The following DGKA variants were observed in gnomAD, a reference collection of about 807,000 sequenced individuals.
DGKA encodes diacylglycerol kinase alpha.
DGKA carries 35 observed loss-of-function variants against 105.0 expected under a neutral mutation model. The observed-to-expected ratio is 0.33, with a 90% confidence interval of 0.25 to 0.44. The LOEUF (loss-of-function observed/expected upper bound fraction) is 0.44, where lower values mean the gene tolerates loss of function less well. DGKA is among the 20% of genes least tolerant of loss of function. The pLI is 1.00. For synonymous variants in DGKA, 296 were observed against 332.0 expected (o/e 0.89, Z 1.18); for missense variants, 665 against 915.0 (o/e 0.73, Z 3.53).
At chr12:55,944,658 G>A (rs1385285438) in intron 17 of DGKA, among the ~76,000 whole-genome samples, 1 of 152,176 alleles carries the variant, frequency 6.6e-6, no homozygotes, top group Non-Finnish European at 1.5e-5. Context: ...CAGCAGTGGA[G>A]TTAATGAGGT....
Position 55,940,897 on chromosome 12 carries a change from G to A in DGKA, c.1018G>A (p.Ala340Thr), listed in dbSNP as rs1885811370. 6.2e-7 allele frequency: 1 copy of A among 1,613,916 alleles called. No individual in the cohort carries two copies. The highest frequency in any genetic ancestry group is 1.7e-5 in the Admixed American group (1 of 59,982). The change falls in exon 13 of 24, where the codon GCC (alanine) becomes ACC (threonine). Residue 340 changes from alanine (A) to threonine (T), a missense_variant and splice_region_variant. Ala to Thr is a moderately conservative substitution (Grantham distance 58). This residue lies in a region of DGKA where 504 missense variants were observed against 681.2 expected (regional missense o/e 0.74). Coordinates refer to ENST00000331886, the MANE Select transcript of DGKA (RefSeq NM_001345.5). The surrounding 1 kb of genome is among the most constrained non-coding windows in gnomAD (Gnocchi z 4.3). ...PPSSIYPSVLASGPDRKNSKT... is the reference protein window; with the variant it reads ...PPSSIYPSVLTSGPDRKNSKT... ...TCCCTCTACTTTCTTCCCCTCCCAG[G>A]CCTCTGGACCGGATCGTAAAAATAG...
In DGKA at chr12:55,942,060, T is replaced by G; in HGVS notation, c.1313T>G (p.Val438Gly). The change falls in exon 16 of 24, where the codon GTA becomes GGA. Residue 438 changes from valine to glycine, a missense_variant. By Grantham distance (109) the Val-to-Gly change is moderately radical. Around this residue, in one of 3 missense-constraint regions of DGKA, gnomAD observed 504 missense variants for 681.2 expected, o/e 0.74. Coordinates refer to ENST00000331886, the MANE Select transcript of DGKA (RefSeq NM_001345.5). ...TTGGTGTGTGGTGGAGACGGCACAG[T>G]AGGCTGGATTCTAGAGACCATTGGT... ...RILVCGGDGTVGWILETIDKA... is the reference protein window; with the variant it reads ...RILVCGGDGTGGWILETIDKA... The G allele has an allele frequency of 1.2e-6, 2 of 1,614,142 alleles. No homozygotes were observed. Among genetic ancestry groups the G allele is most frequent in the Non-Finnish European group, 1.7e-6 (2 of 1,180,026 alleles).
chr12:55,937,894 A>G (rs1286515654), intron 4 of DGKA, 84 bp from the exon 5 acceptor site: 1 of 1,229,074 alleles, frequency 8.1e-7, no homozygotes, highest in Admixed American at 2.1e-5. Flanking sequence ...TTTTTAAAAA[A>G]AGGGAGAGGT....
upstream of DGKA, among the ~76,000 whole-genome samples, chr12:55,928,676 CAAAAAAAAAA>C (rs56280303): frequency 8.5e-5 from 4 of 47,256 alleles, no homozygotes; most frequent in African/African-American, 2.6e-4. Flanking sequence ...GACCCCGTCT[CAAAAAAAAAA>C]AAAAAAAAAA....
Position 55,939,182 on chromosome 12 carries a change from T to G in DGKA, c.475-4T>G. On this transcript the variant is annotated splice_region_variant and splice_polypyrimidine_tract_variant and intron_variant, in intron 7 of 23. Coordinates refer to ENST00000331886, the MANE Select transcript of DGKA (RefSeq NM_001345.5). The stretch of plus-strand genomic sequence containing the variant: ...CTGAAAGTCCCTTTCCACTCTGTGC[T>G]CAGATTCTTCAGGAGATGATGAAAG... 1.2e-6 allele frequency: 2 copies of G among 1,613,868 alleles called. No homozygotes were observed. Among genetic ancestry groups the G allele is most frequent in the Non-Finnish European group, 1.7e-6 (2 of 1,179,860 alleles).
intron 5 of DGKA, 80 bp from the exon 6 acceptor site, chr12:55,938,430 CT>C (rs1220267895): frequency 6.4e-7 from 1 of 1,571,770 alleles, no homozygotes; most frequent in Non-Finnish European, 8.7e-7. Context: ...CTCCCTGTCT[CT>C]TTGTTTCCCC....
chr12:55,940,749 G>A lies in DGKA; in HGVS notation c.1017+27G>A, dbSNP rs747337016. The A allele has an allele frequency of 3.1e-6, 5 of 1,611,360 alleles. No homozygotes were observed. The African/African-American group carries it at 5.3e-5, about 17-fold the overall frequency. On this transcript the variant is annotated intron_variant, in intron 12 of 23. Coordinates refer to ENST00000331886, the MANE Select transcript of DGKA (RefSeq NM_001345.5). This position sits in a 1 kb window ranked among gnomAD's most constrained non-coding sequence, Gnocchi z 4.3. The stretch of plus-strand genomic sequence containing the variant: ...TGAGACCCTCGGCAGCAGCGGGGAG[G>A]GGACAGGAGTGCCTCCCCGATTTCC...
chr12:55,927,991 T>A (rs1883229165), upstream of DGKA: 1 of 558,294 alleles, frequency 1.8e-6, no homozygotes, highest in South Asian at 2.5e-5. Flanking sequence ...CCGCTGAGGA[T>A]CTAAAGCGGG....
In DGKA at chr12:55,938,890, G is replaced by C. The variant is rs534157100; in HGVS notation, c.400-25G>C. On this transcript the variant is annotated intron_variant, in intron 6 of 23. Transcript: ENST00000331886. ...TGGTGGTAGTAAAGGGGATATGGCTGTGGCTCTTGCCCTTTTTGCTCCAGG... is the reference window on the plus strand; with the variant it reads ...TGGTGGTAGTAAAGGGGATATGGCTCTGGCTCTTGCCCTTTTTGCTCCAGG... 13 of 1,613,764 alleles carry C rather than the reference G, an allele frequency of 8.1e-6. No individual in the cohort carries two copies. In the African/African-American group the frequency reaches 1.6e-4, roughly 20 times the overall value.
chr12:55,948,762 G>A (rs954282037), intron 17 of DGKA, among the ~76,000 whole-genome samples: 18 of 150,514 alleles, frequency 1.2e-4, no homozygotes, highest in Admixed American at 2.6e-4. Flanking sequence ...AGTGGCTCAC[G>A]CCTGTAATCC....
At chr12:55,937,186 C>G (rs1249631122) in intron 3 of DGKA, 96 bp downstream of exon 3, 19 of 1,380,836 alleles carry the variant, frequency 1.4e-5, no homozygotes, top group Non-Finnish European at 1.8e-5. Flanking sequence ...CTGCCCCTCA[C>G]TATCCCCTCT....
chr12:55,941,690 G>A, intron 15 of DGKA, 106 bp downstream of exon 15: 3 of 1,198,210 alleles, frequency 2.5e-6, no homozygotes, highest in Non-Finnish European at 3.7e-6. Flanking sequence ...GAGGGCTAGA[G>A]ATCCCCAAGA....
chr12:55,928,513 T>C (rs1281483625), upstream of DGKA, among the ~76,000 whole-genome samples: 1 of 151,448 alleles, frequency 6.6e-6, no homozygotes, highest in African/African-American at 2.4e-5. Context: ...CCGTCTCTAC[T>C]AAAAATACAA....
Position 55,940,014 on chromosome 12 carries a change from C to A in DGKA, c.710-68C>A. 2 of 1,404,294 alleles carry A rather than the reference C, an allele frequency of 1.4e-6. No individual in the cohort carries two copies. Among genetic ancestry groups the A allele is most frequent in the Non-Finnish European group, 2.0e-6 (2 of 991,626 alleles). The allele number at this position is 1,404,294 out of a possible 1,614,324, so 87.0% of individuals were successfully genotyped here. Reference sequence around the variant, plus strand: ...GGATCACATATCTGATCCTGCCTCACCCTCAGGTAAGAAGGAAATAGGGGG... The same window carrying A: ...GGATCACATATCTGATCCTGCCTCAACCTCAGGTAAGAAGGAAATAGGGGG... On this transcript the variant is annotated intron_variant, in intron 9 of 23. Coordinates refer to ENST00000331886, the MANE Select transcript of DGKA (RefSeq NM_001345.5). This position sits in a 1 kb window ranked among gnomAD's most constrained non-coding sequence, Gnocchi z 4.3.
In DGKA at chr12:55,938,531, A is replaced by G; in HGVS notation, c.370A>G (p.Thr124Ala). ...CACAGTCACCTTCAAGCTGTACGAC[A>G]CGGACAGAAATGGGATCCTGGACAG... Reference protein sequence around the residue: ...KLEFTFKLYDTDRNGILDSSE... With the variant: ...KLEFTFKLYDADRNGILDSSE... Residue 124 changes from threonine to alanine, a missense_variant, in exon 6 of 24, where the codon ACG (threonine) becomes GCG (alanine). This residue lies in a region of DGKA where 504 missense variants were observed against 681.2 expected (regional missense o/e 0.74). Transcript: ENST00000331886. 6.2e-7 allele frequency: 1 copy of G among 1,614,104 alleles called. No homozygotes were observed. The highest frequency in any genetic ancestry group is 8.5e-7 in the Non-Finnish European group (1 of 1,180,014).
intron 23 of DGKA, 122 bp from the exon 24 acceptor site, chr12:55,953,563 A>T: frequency 2.3e-6 from 3 of 1,330,538 alleles, no homozygotes; most frequent in Non-Finnish European, 3.2e-6. Flanking sequence ...TGGTTTCCCT[A>T]TCGTGGCCTC....
At chr12:55,939,932 G>A in intron 9 of DGKA, 150 bp from the exon 10 acceptor site, 1 of 684,494 alleles carries the variant, frequency 1.5e-6, no homozygotes, top group East Asian at 2.6e-5. Context: ...AAAAGGCGTG[G>A]GTTTTGGAGG....
At chr12:55,927,865 G>A (rs1883225881), upstream of DGKA, 2 of 1,437,438 alleles carry the variant, frequency 1.4e-6, no homozygotes, top group Admixed American at 2.2e-5. Context: ...GGCCCTAGTT[G>A]CTTCTCGCCC....
chr12:55,934,895 G>C (rs1460564176), intron 1 of DGKA, among the ~76,000 whole-genome samples: 2 of 152,198 alleles, frequency 1.3e-5, no homozygotes, highest in Non-Finnish European at 2.9e-5. Flanking sequence ...CAGGCAGACA[G>C]AACAGTAAGA....
Sources: allele counts gnomAD v4.1 joint callset (sites outside exome capture counted in the v4.1 genomes callset), GRCh38; gene constraint gnomAD v4.1.1; regional missense constraint gnomAD v4.1.1; non-coding constraint Gnocchi (gnomAD v3.1); transcripts MANE v1.5; gene names NCBI Gene and HGNC (gene_info 2026-07-23, HGNC 2026-07-21).